The following VRK3 variants were observed in gnomAD, a reference collection of about 807,000 sequenced individuals.
VRK3 encodes serine/threonine-protein kinase VRK3.
A neutral mutation model predicts 60.4 loss-of-function variants in VRK3; 50 were observed. That is an observed-to-expected ratio of 0.83 (90% CI 0.66 to 1.05). The LOEUF is 1.05. Ranked by LOEUF, VRK3 falls within the 50% of genes least tolerant of loss-of-function variation. VRK3 has a pLI of 0.00. For missense variants in VRK3, 549 were observed against 585.3 expected (o/e 0.94, Z 0.64); for synonymous variants, 246 against 227.8 (o/e 1.08, Z -0.72).
chr19:50,006,816 A>G (rs2076899271), intron 5 of VRK3, among the ~76,000 whole-genome samples: 1 of 152,242 alleles, frequency 6.6e-6, no homozygotes, highest in African/African-American at 2.4e-5. Flanking sequence ...AGTTAATACT[A>G]ATACTACTGC....
rs779355755 is a variant in VRK3, at chr19:49,994,809, C to A, written c.870+5G>T. On this transcript the variant is annotated splice_donor_5th_base_variant and intron_variant, in intron 9 of 14. Coordinates refer to ENST00000316763, the MANE Select transcript of VRK3 (RefSeq NM_016440.4). ...GCGGCAGCTGAGCAACTTCTGGGTA[C>A]GCACCAGCCGGCAGGCCACCTGCAG... 2.8e-5 allele frequency: 45 copies of A among 1,611,812 alleles called. No homozygotes were observed. The highest frequency in any genetic ancestry group is 3.7e-5 in the Non-Finnish European group (44 of 1,178,754).
chr19:49,994,151 C>T (rs904233264), intron 9 of VRK3, among the ~76,000 whole-genome samples: 3 of 152,176 alleles, frequency 2.0e-5, no homozygotes, highest in Admixed American at 6.5e-5. Context: ...TCCCTTGGTA[C>T]GTCCATCCCT....
chr19:50,005,532 A>G (rs954082317), intron 5 of VRK3, among the ~76,000 whole-genome samples: 1 of 149,686 alleles, frequency 6.7e-6, no homozygotes, highest in Non-Finnish European at 1.5e-5. Flanking sequence ...GGCTGCGGTG[A>G]GAATTTAGCA....
At chr19:50,015,361 T>C (rs2077058419) in intron 3 of VRK3, among the ~76,000 whole-genome samples, 1 of 152,112 alleles carries the variant, frequency 6.6e-6, no homozygotes, top group Non-Finnish European at 1.5e-5. Flanking sequence ...CAAGCTGCAG[T>C]GCAATGGTGC....
intron 3 of VRK3, among the ~76,000 whole-genome samples, chr19:50,011,633 A>G (rs62115173): frequency 9.6e-5 from 14 of 145,366 alleles, no homozygotes; most frequent in South Asian, 4.5e-4. Context: ...TCCCCCAGGC[A>G]GAAATGTTCC....
intron 10 of VRK3, 58 bp from the exon 11 acceptor site, chr19:49,989,829 T>C: frequency 6.6e-7 from 1 of 1,514,916 alleles, no homozygotes; most frequent in South Asian, 1.3e-5. Context: ...AAGTCAGAGA[T>C]TTCCATCGTG....
intron 5 of VRK3, among the ~76,000 whole-genome samples, chr19:50,002,239 G>C (rs998787365): frequency 6.6e-6 from 1 of 152,136 alleles, no homozygotes; most frequent in Non-Finnish European, 1.5e-5. Flanking sequence ...GGGATGGGGG[G>C]TGACAAAGTC....
intron 6 of VRK3, 168 bp from the exon 7 acceptor site, chr19:49,997,738 C>A: frequency 1.6e-6 from 1 of 623,392 alleles, no homozygotes; most frequent in Non-Finnish European, 2.7e-6. Context: ...TCAGAGACTG[C>A]GAGCTACCTT....
chr19:49,980,882 C>G, intron 13 of VRK3, 73 bp downstream of exon 13: 5 of 1,396,576 alleles, frequency 3.6e-6, no homozygotes, highest in Admixed American at 2.1e-5. Context: ...TAAGGAGAAG[C>G]CACCCCAAGA....
At chr19:50,003,738 T>A (rs1426414776) in intron 5 of VRK3, among the ~76,000 whole-genome samples, 1 of 152,240 alleles carries the variant, frequency 6.6e-6, no homozygotes. Context: ...TCTTGACTGG[T>A]GCAAACTGGC....
intron 3 of VRK3, among the ~76,000 whole-genome samples, chr19:50,013,017 A>G (rs1600715269): frequency 1.3e-5 from 2 of 152,128 alleles, no homozygotes; most frequent in East Asian, 3.9e-4. Context: ...AATACAAAAA[A>G]ATAGCTGGGC....
intron 12 of VRK3, chr19:49,981,988 C>T (rs561891104): frequency 1.8e-4 from 113 of 639,130 alleles, no homozygotes; most frequent in African/African-American, 1.4e-3. Flanking sequence ...TGGGGGCCAG[C>T]GGGGCCGTCA....
intron 1 of VRK3, among the ~76,000 whole-genome samples, chr19:50,024,145 C>A (rs917446173): frequency 6.6e-6 from 1 of 152,164 alleles, no homozygotes; most frequent in Non-Finnish European, 1.5e-5. Context: ...ACCATGTTGG[C>A]CAGGCTGGTC....
chr19:50,017,644 A>C (rs2122621983), intron 2 of VRK3, among the ~76,000 whole-genome samples: 1 of 148,668 alleles, frequency 6.7e-6, no homozygotes, highest in South Asian at 2.2e-4. Context: ...TGGGCTTGTG[A>C]TTTAATTTCA....
intron 9 of VRK3, among the ~76,000 whole-genome samples, chr19:49,994,375 A>G (rs536084764): frequency 1.4e-4 from 22 of 152,310 alleles, no homozygotes; most frequent in Middle Eastern, 3.4e-3. Context: ...CCTGATGAAT[A>G]TTTAATGGGG....
At chr19:49,997,461 C>T (rs768174526) in intron 7 of VRK3, 43 bp downstream of exon 7, 2 of 1,605,796 alleles carry the variant, frequency 1.2e-6, no homozygotes, top group African/African-American at 1.3e-5. Context: ...CAAGTTGGCG[C>T]CCCCCTCACT....
rs768258512 is a variant in VRK3 at position 49,979,192 on chromosome 19, TCTC to T, written c.1324_1326del (p.Glu442del). On this transcript the variant is annotated inframe_deletion, in exon 14 of 15. Transcript: ENST00000316763. ...TTCCTCAGCATGGCGTAGGGCGGCT[TCTC>T]CTCATACGTGAGGGCCATCACCACC... 5 of 1,613,884 alleles carry T rather than the reference TCTC, an allele frequency of 3.1e-6. No individual in the cohort carries two copies. The South Asian group carries it at 4.4e-5, about 14-fold the overall frequency.
intron 5 of VRK3, chr19:50,001,369 G>A (rs569905081): frequency 6.5e-6 from 1 of 154,556 alleles, no homozygotes; most frequent in Non-Finnish European, 1.4e-5. Context: ...GTGCGTCCTA[G>A]GCAGAGTGAC....
chr19:49,979,509 A>G (rs977427258), intron 13 of VRK3, among the ~76,000 whole-genome samples: 1 of 152,204 alleles, frequency 6.6e-6, no homozygotes, highest in African/African-American at 2.4e-5. Flanking sequence ...CTCACAGCCA[A>G]TCTTGTTTCA....
Sources: allele counts gnomAD v4.1 joint callset (sites outside exome capture counted in the v4.1 genomes callset), GRCh38; gene constraint gnomAD v4.1.1; transcripts MANE v1.5; gene names NCBI Gene and HGNC (gene_info 2026-07-23, HGNC 2026-07-21).